RAP1GAP2: variants seen among roughly 807,000 people sequenced by gnomAD.
The protein encoded by RAP1GAP2 is RAP1 GTPase activating protein 2.
A neutral mutation model predicts 95.0 loss-of-function variants in RAP1GAP2; 27 were observed. The observed-to-expected ratio is 0.28, with a 90% CI of 0.21 to 0.39. RAP1GAP2 has a LOEUF of 0.39. Ranked by LOEUF, RAP1GAP2 falls within the 10% of genes least tolerant of loss-of-function variation. RAP1GAP2 has a pLI of 1.00. For synonymous variants in RAP1GAP2, 373 were observed against 380.9 expected (o/e 0.98, Z 0.24); for missense variants, 771 against 970.0 (o/e 0.79, Z 2.72).
At chr17:2,801,649 G>A (rs1597335311) in intron 2 of RAP1GAP2, among the ~76,000 whole-genome samples, 1 of 125,870 alleles carries the variant, frequency 7.9e-6, no homozygotes, top group East Asian at 2.5e-4. Flanking sequence ...GTGTGTGTGT[G>A]ATGTCAGCTG....
intron 1 of RAP1GAP2, among the ~76,000 whole-genome samples, chr17:2,764,729 A>G (rs1487858252): frequency 6.6e-6 from 1 of 152,222 alleles, no homozygotes; most frequent in East Asian, 1.9e-4. Context: ...TCAAAAATAA[A>G]TAAATAAAAA....
chr17:2,946,853 C>A (rs1992555), intron 3 of RAP1GAP2, among the ~76,000 whole-genome samples: 128,480 of 152,138 alleles, frequency 0.84, 55,293 homozygotes, highest in Non-Finnish European at 0.93. Flanking sequence ...CCCCCGGGTT[C>A]AAGTGAATCT....
At chr17:2,945,243 A>T (rs936398562) in intron 3 of RAP1GAP2, among the ~76,000 whole-genome samples, 3 of 152,044 alleles carry the variant, frequency 2.0e-5, no homozygotes, top group African/African-American at 7.2e-5. Flanking sequence ...ATTTTAATTT[A>T]TTATTTTTAT....
chr17:2,924,321 G>A (rs554742878), intron 3 of RAP1GAP2, among the ~76,000 whole-genome samples: 5 of 152,286 alleles, frequency 3.3e-5, no homozygotes, highest in East Asian at 1.9e-4. Flanking sequence ...TCAGTTACAC[G>A]TGGGAATCAA....
chr17:2,928,494 G>A (rs1314000843), intron 3 of RAP1GAP2, among the ~76,000 whole-genome samples: 3 of 152,090 alleles, frequency 2.0e-5, no homozygotes, highest in African/African-American at 4.8e-5. Flanking sequence ...TGGGAGGGAC[G>A]GAGGCACTGC....
At chr17:2,911,218 TA>T (rs1370678779) in intron 3 of RAP1GAP2, among the ~76,000 whole-genome samples, 2 of 149,264 alleles carry the variant, frequency 1.3e-5, no homozygotes, top group African/African-American at 5.0e-5. Context: ...ACCCGACCTA[TA>T]CGCACCCTCC....
At chr17:2,811,934 C>G (rs561727111) in intron 2 of RAP1GAP2, among the ~76,000 whole-genome samples, 2 of 152,064 alleles carry the variant, frequency 1.3e-5, no homozygotes, top group African/African-American at 4.8e-5. Flanking sequence ...AGGCTGGTCT[C>G]GAACTCCCAA....
intron 14 of RAP1GAP2, among the ~76,000 whole-genome samples, chr17:3,002,116 C>T (rs945294145): frequency 2.6e-5 from 4 of 152,154 alleles, no homozygotes; most frequent in Admixed American, 2.0e-4. Flanking sequence ...GCACCCACCA[C>T]CATGCCCGGC....
chr17:2,828,922 TCTC>T (rs1403359810), intron 2 of RAP1GAP2, among the ~76,000 whole-genome samples: 1 of 151,448 alleles, frequency 6.6e-6, no homozygotes, highest in Non-Finnish European at 1.5e-5. Context: ...CTTGGTCTCT[TCTC>T]CTCCCTCTCT....
intron 19 of RAP1GAP2, among the ~76,000 whole-genome samples, chr17:3,025,403 A>G (rs889186820): frequency 1.3e-5 from 2 of 152,326 alleles, no homozygotes; most frequent in East Asian, 3.9e-4. Context: ...GGACACGGCC[A>G]TCCCATCCCC....
At chr17:2,826,765 T>G (rs1329569786) in intron 2 of RAP1GAP2, among the ~76,000 whole-genome samples, 1 of 152,106 alleles carries the variant, frequency 6.6e-6, no homozygotes, top group East Asian at 1.9e-4. Context: ...CCCAACACTT[T>G]GGGAGGCTGA....
chr17:2,836,216 A>C (rs536711598), intron 2 of RAP1GAP2, among the ~76,000 whole-genome samples: 8 of 152,060 alleles, frequency 5.3e-5, no homozygotes, highest in African/African-American at 1.9e-4. Context: ...GTAGAGGTCT[A>C]CTATGTTCAC....
At chr17:2,828,931 T>G (rs1260618143) in intron 2 of RAP1GAP2, among the ~76,000 whole-genome samples, 1 of 149,454 alleles carries the variant, frequency 6.7e-6, no homozygotes, top group African/African-American at 2.4e-5. Context: ...TTCTCCTCCC[T>G]CTCTCATTGC....
At chr17:2,940,704 A>G (rs2317467) in intron 3 of RAP1GAP2, among the ~76,000 whole-genome samples, 131,275 of 152,174 alleles carry the variant, frequency 0.86, 56,921 homozygotes, top group Non-Finnish European at 0.9. Context: ...GCTTTGGCAG[A>G]CCCTTTGTGC....
At chr17:2,988,107 G>A (rs553613115) in intron 11 of RAP1GAP2, among the ~76,000 whole-genome samples, 2 of 152,008 alleles carry the variant, frequency 1.3e-5, no homozygotes, top group African/African-American at 4.8e-5. Flanking sequence ...CTACTTGGGA[G>A]TCTAAGGCAG....
chr17:2,852,907 C>G (rs879745633), intron 2 of RAP1GAP2, among the ~76,000 whole-genome samples: 2 of 152,188 alleles, frequency 1.3e-5, no homozygotes, highest in East Asian at 3.9e-4. Context: ...TCCGCCCTTC[C>G]TTTCCGAAGG....
At position 2,870,846 on chromosome 17, in the gene RAP1GAP2, C is replaced by A. The variant is rs76360916; in HGVS notation, c.81-34438C>A. Among the ~76,000 whole-genome samples the A allele has an allele frequency of 2.0e-5, 3 of 152,194 alleles. No individual in the cohort carries two copies. Among genetic ancestry groups the A allele is most frequent in the Non-Finnish European group, 2.9e-5 (2 of 68,036 alleles). On this transcript the variant is annotated intron_variant, in intron 2 of 24. Transcript: ENST00000254695. The surrounding 1 kb of genome is among the most constrained non-coding windows in gnomAD (Gnocchi z 4.4). Reference sequence around the variant, plus strand: ...GCATTGGCAGAACTCCTCTCTGTCTCGTCACTGTGTCTCTTTGTGTTGGCT... The same window carrying A: ...GCATTGGCAGAACTCCTCTCTGTCTAGTCACTGTGTCTCTTTGTGTTGGCT...
At chr17:2,900,388 C>G (rs1056818916) in intron 2 of RAP1GAP2, among the ~76,000 whole-genome samples, 4 of 152,090 alleles carry the variant, frequency 2.6e-5, no homozygotes, top group African/African-American at 9.7e-5. Flanking sequence ...TCATCATGGT[C>G]TACATTGATA....
intron 2 of RAP1GAP2, among the ~76,000 whole-genome samples, chr17:2,890,595 G>A (rs1179827475): frequency 3.9e-5 from 6 of 152,038 alleles, no homozygotes; most frequent in African/African-American, 1.4e-4. Flanking sequence ...TGGGCTTGCC[G>A]GGAATTCAGC....
Sources: allele counts gnomAD v4.1 joint callset (sites outside exome capture counted in the v4.1 genomes callset), GRCh38; gene constraint gnomAD v4.1.1; non-coding constraint Gnocchi (gnomAD v3.1); transcripts MANE v1.5; gene names NCBI Gene and HGNC (gene_info 2026-07-23, HGNC 2026-07-21).